Variants in MAGI3 observed in about 807,000 individuals in gnomAD.
MAGI3 encodes membrane-associated guanylate kinase, WW and PDZ domain-containing protein 3.
In MAGI3, 43 loss-of-function variants were observed where a neutral mutation model predicts 121.8. The observed-to-expected ratio is 0.35, with a 90% CI of 0.28 to 0.46. MAGI3 has a LOEUF of 0.46. Among genes scored for constraint, MAGI3 ranks in the 20% least tolerant of loss-of-function variants. The pLI is 1.00. For missense variants in MAGI3, 1,547 were observed against 1,797.3 expected (o/e 0.86, Z 2.52); for synonymous variants, 553 against 639.3 (o/e 0.86, Z 2.04).
chr1:113,582,771 A>G (rs1557835439), intron 3 of MAGI3, among the ~76,000 whole-genome samples: 1 of 151,956 alleles, frequency 6.6e-6, no homozygotes, highest in Non-Finnish European at 1.5e-5. Flanking sequence ...GTGGCCATAT[A>G]TGTATATATC....
rs2101727675 is a variant in MAGI3 at position 113,585,505 on chromosome 1, A to G, written c.672A>G (p.Thr224=). 1 of 1,614,128 alleles carries G rather than the reference A, an allele frequency of 6.2e-7. No individual in the cohort carries two copies. Residue 224 remains threonine, a synonymous_variant, in exon 4 of 21, where the codon ACA becomes ACG. Coordinates refer to ENST00000307546, the MANE Select transcript of MAGI3 (RefSeq NM_001142782.2). ...CAGAATCTCAAAGAAAACGAACGAC[A>G]TCTGTCAGCAAGATGGAAAGAATGG... ...FDAESQRKRT[T]SVSKMERMDS... is the part of the protein sequence containing the mutation.
chr1:113,676,779 C>A (rs556498076), intron 19 of MAGI3, among the ~76,000 whole-genome samples: 1 of 152,124 alleles, frequency 6.6e-6, no homozygotes, highest in Non-Finnish European at 1.5e-5. Flanking sequence ...CTCTCCTCTT[C>A]TCCCTTTATT....
chr1:113,456,224 C>T (rs1654750067), intron 1 of MAGI3, among the ~76,000 whole-genome samples: 1 of 151,674 alleles, frequency 6.6e-6, no homozygotes, highest in South Asian at 2.1e-4. Context: ...CTCAGCCTCC[C>T]AAAGTGCTGG....
intron 1 of MAGI3, among the ~76,000 whole-genome samples, chr1:113,526,961 TATGCCTCATTCTC>T (rs1658483116): frequency 1.3e-5 from 2 of 152,216 alleles, no homozygotes; most frequent in African/African-American, 4.8e-5. Flanking sequence ...TAAACCTCCC[TATGCCTCATTCTC>T]CCCATCTGTA....
At chr1:113,416,926 G>A (rs1652481636) in intron 1 of MAGI3, among the ~76,000 whole-genome samples, 1 of 151,676 alleles carries the variant, frequency 6.6e-6, no homozygotes, top group African/African-American at 2.4e-5. Context: ...AAATAGTAAG[G>A]GTGATATTAG....
chr1:113,597,029 A>G (rs755488727), intron 6 of MAGI3, among the ~76,000 whole-genome samples: 1 of 152,240 alleles, frequency 6.6e-6, no homozygotes, highest in African/African-American at 2.4e-5. Context: ...GCAAATATTC[A>G]TAGCAGCACT....
chr1:113,534,323 AC>A (rs944458074), intron 1 of MAGI3, among the ~76,000 whole-genome samples: 1 of 152,176 alleles, frequency 6.6e-6, no homozygotes, highest in Non-Finnish European at 1.5e-5. Flanking sequence ...TAGTGACTTC[AC>A]CACAGAGTAA....
At position 113,683,689 on chromosome 1, in the gene MAGI3, C is replaced by T; in HGVS notation, c.4121C>T (p.Thr1374Ile). Residue 1374 changes from threonine (T) to isoleucine (I), a missense_variant, in exon 21 of 21, where the codon ACT (threonine) becomes ATT (isoleucine). Physicochemically the swap from Thr to Ile is moderately conservative, Grantham distance 89. Coordinates refer to ENST00000307546, the MANE Select transcript of MAGI3 (RefSeq NM_001142782.2). ...CTTCCATCCAAAATGACTAATAAGACTACAAGTAAAGAAGTATCTGAAAAT... is the reference window on the plus strand; with the variant it reads ...CTTCCATCCAAAATGACTAATAAGATTACAAGTAAAGAAGTATCTGAAAAT... ...KSLPSKMTNK[T>I]TSKEVSENEK... The T allele has an allele frequency of 6.2e-7, 1 of 1,603,218 alleles. No homozygotes were observed. Among genetic ancestry groups the T allele is most frequent in the Non-Finnish European group, 8.5e-7 (1 of 1,174,796 alleles).
At chr1:113,576,173 T>C (rs1311332309) in intron 2 of MAGI3, among the ~76,000 whole-genome samples, 1 of 152,144 alleles carries the variant, frequency 6.6e-6, no homozygotes, top group Admixed American at 6.5e-5. Flanking sequence ...GCTCCCTGGC[T>C]TCAGCCCCCT....
chr1:113,507,762 G>A (rs1657414870), intron 1 of MAGI3, among the ~76,000 whole-genome samples: 1 of 152,188 alleles, frequency 6.6e-6, no homozygotes, highest in Non-Finnish European at 1.5e-5. Context: ...TGAATGGAGA[G>A]AACAGTTTCT....
intron 1 of MAGI3, among the ~76,000 whole-genome samples, chr1:113,485,443 C>T (rs765869916): frequency 6.6e-6 from 1 of 152,064 alleles, no homozygotes; most frequent in Non-Finnish European, 1.5e-5. Flanking sequence ...GCTTGTTGGC[C>T]GTTTGTATAT....
intron 1 of MAGI3, among the ~76,000 whole-genome samples, chr1:113,474,380 G>A (rs967510088): frequency 1.4e-4 from 21 of 152,088 alleles, no homozygotes; most frequent in African/African-American, 5.1e-4. Context: ...TTTCTTCTAG[G>A]GTTTTTATGG....
At chr1:113,619,197 T>C (rs1219277743) in intron 7 of MAGI3, among the ~76,000 whole-genome samples, 2 of 152,152 alleles carry the variant, frequency 1.3e-5, no homozygotes, top group Admixed American at 6.5e-5. Flanking sequence ...GAAATTTAAG[T>C]GTGAAAGAGT....
intron 1 of MAGI3, among the ~76,000 whole-genome samples, chr1:113,542,991 A>G (rs1185427963): frequency 6.6e-6 from 1 of 152,136 alleles, no homozygotes; most frequent in East Asian, 1.9e-4. Context: ...CACCTACTTC[A>G]AAGGTTATCA....
At chr1:113,507,259 G>A (rs1313429084) in intron 1 of MAGI3, among the ~76,000 whole-genome samples, 1 of 152,114 alleles carries the variant, frequency 6.6e-6, no homozygotes, top group Non-Finnish European at 1.5e-5. Context: ...GAAACTACTA[G>A]TATATATGTA....
intron 4 of MAGI3, among the ~76,000 whole-genome samples, chr1:113,589,736 A>G (rs12723023): frequency 0.24 from 36,843 of 151,978 alleles, 4,936 homozygotes; most frequent in South Asian, 0.39. Flanking sequence ...TAGTGATATT[A>G]CATAGCATCG....
intron 6 of MAGI3, among the ~76,000 whole-genome samples, chr1:113,601,194 GA>G (rs552373764): frequency 0.02 from 3,095 of 151,036 alleles, 81 homozygotes; most frequent in Middle Eastern, 0.037. Flanking sequence ...CAAAAGCAAT[GA>G]GCAATAAAAG....
intron 1 of MAGI3, among the ~76,000 whole-genome samples, chr1:113,415,299 C>T (rs903452754): frequency 1.3e-5 from 2 of 152,046 alleles, no homozygotes; most frequent in Non-Finnish European, 2.9e-5. Flanking sequence ...TATGCCATTG[C>T]TTTCCAGACT....
rs1424066349 is a variant in MAGI3, at chr1:113,545,958, AC to A, written c.317-3556del. On this transcript the variant is annotated intron_variant, in intron 1 of 20. Transcript: ENST00000307546. The stretch of plus-strand genomic sequence containing the variant: ...CTAAACAAAAGGCAGATGTTCATAT[AC>A]AAATTGATAATACAGATATATTCAG... 3.3e-5 allele frequency among the ~76,000 whole-genome samples: 5 copies of A among 152,322 alleles called. No individual in the cohort carries two copies. The East Asian group carries it at 9.6e-4, about 29-fold the overall frequency.
Sources: gnomAD v4.1 joint callset for allele counts (sites outside exome capture counted in the v4.1 genomes callset) on GRCh38, gnomAD v4.1.1 for gene constraint, MANE v1.5 for transcripts, NCBI Gene and HGNC (gene_info 2026-07-23, HGNC 2026-07-21) for gene names.